The following CNTNAP2 variants were observed in gnomAD, a reference collection of about 807,000 sequenced individuals.
CNTNAP2 encodes the protein contactin-associated protein-like 2.
In CNTNAP2, 98 loss-of-function variants were observed where a neutral mutation model predicts 155.2. The observed-to-expected ratio is 0.63, with a 90% confidence interval of 0.54 to 0.75. CNTNAP2 has a LOEUF of 0.75. Ranked by LOEUF, CNTNAP2 falls within the 30% of genes least tolerant of loss-of-function variation. CNTNAP2 has a pLI of 0.00. For synonymous variants in CNTNAP2, 651 were observed against 631.2 expected (o/e 1.03, Z -0.47); for missense variants, 1,727 against 1,688.1 (o/e 1.02, Z -0.40).
intron 15 of CNTNAP2, among the ~76,000 whole-genome samples, chr7:148,013,673 A>G (rs10264997): frequency 0.38 from 57,673 of 152,006 alleles, 11,697 homozygotes; most frequent in East Asian, 0.76. Context: ...TCCCCTGATC[A>G]CCTTAGCCTA....
At chr7:146,163,115 C>T (rs1169001341) in intron 1 of CNTNAP2, among the ~76,000 whole-genome samples, 1 of 151,986 alleles carries the variant, frequency 6.6e-6, no homozygotes, top group African/African-American at 2.4e-5. Context: ...ACGTAACAAA[C>T]CTGCACGTTG....
intron 1 of CNTNAP2, among the ~76,000 whole-genome samples, chr7:146,709,546 A>G (rs1801026239): frequency 6.6e-6 from 1 of 152,222 alleles, no homozygotes; most frequent in Non-Finnish European, 1.5e-5. Flanking sequence ...AAACAAAAGC[A>G]TGGATATGAT....
intron 1 of CNTNAP2, among the ~76,000 whole-genome samples, chr7:146,743,904 T>C (rs1801763800): frequency 6.6e-6 from 1 of 152,090 alleles, no homozygotes; most frequent in Non-Finnish European, 1.5e-5. Context: ...CTTATTTAGC[T>C]GAGTAGTTTT....
intron 3 of CNTNAP2, among the ~76,000 whole-genome samples, chr7:146,951,422 T>C (rs1477899934): frequency 6.6e-6 from 1 of 152,198 alleles, no homozygotes; most frequent in Admixed American, 6.6e-5. Context: ...GTTTTTATGG[T>C]TTTAGGTCTT....
intron 1 of CNTNAP2, among the ~76,000 whole-genome samples, chr7:146,600,847 T>C (rs1036739280): frequency 6.6e-6 from 1 of 152,166 alleles, no homozygotes; most frequent in Non-Finnish European, 1.5e-5. Context: ...TACTGAAATA[T>C]ATTGCTCTAA....
intron 5 of CNTNAP2, among the ~76,000 whole-genome samples, chr7:147,111,793 G>A (rs1261380141): frequency 6.6e-6 from 1 of 152,160 alleles, no homozygotes; most frequent in Non-Finnish European, 1.5e-5. Context: ...TTGAAGTTGG[G>A]TAGTGTGATG....
intron 13 of CNTNAP2, among the ~76,000 whole-genome samples, chr7:147,875,953 T>C (rs571885386): frequency 6.6e-6 from 1 of 152,304 alleles, no homozygotes; most frequent in African/African-American, 2.4e-5. Context: ...ATAAAAGTTC[T>C]GTGGTCCCAT....
intron 13 of CNTNAP2, among the ~76,000 whole-genome samples, chr7:147,852,561 A>G (rs1336297174): frequency 3.3e-5 from 5 of 152,240 alleles, no homozygotes; most frequent in African/African-American, 1.2e-4. Context: ...TGAGTAGACT[A>G]TACAAAGCCT....
In CNTNAP2 at chr7:146,394,735, TATG is replaced by T. The variant is rs1362745832; in HGVS notation, c.97+277766_97+277768del. ...TAGTATGGTTATTTCACACAAATTT[TATG>T]ATGTCTGATTTCTTTTTCTTTTTAT... On this transcript the variant is annotated intron_variant, in intron 1 of 23. Coordinates refer to ENST00000361727, the MANE Select transcript of CNTNAP2 (RefSeq NM_014141.6). Among the ~76,000 whole-genome samples the T allele has an allele frequency of 4.6e-5, 7 of 152,282 alleles. No homozygotes were observed. The East Asian group carries it at 1.2e-3, about 25-fold the overall frequency.
At chr7:147,841,332 C>T (rs1798727364) in intron 13 of CNTNAP2, among the ~76,000 whole-genome samples, 1 of 152,116 alleles carries the variant, frequency 6.6e-6, no homozygotes, top group Admixed American at 6.5e-5. Context: ...ACAGCATTTG[C>T]CAGATCGTCT....
intron 4 of CNTNAP2, among the ~76,000 whole-genome samples, chr7:147,084,083 C>T (rs1437417327): frequency 7.6e-5 from 6 of 78,660 alleles, no homozygotes; most frequent in African/African-American, 1.0e-4. Flanking sequence ...ATGCATAATG[C>T]TATATATGTA....
intron 3 of CNTNAP2, among the ~76,000 whole-genome samples, chr7:147,016,213 T>C (rs767118148): frequency 2.0e-5 from 3 of 148,452 alleles, no homozygotes; most frequent in Non-Finnish European, 4.6e-5. Flanking sequence ...GAAGAACCAG[T>C]GAGCACTGTC....
intron 20 of CNTNAP2, among the ~76,000 whole-genome samples, chr7:148,261,870 C>G (rs1461115670): frequency 6.6e-6 from 1 of 152,210 alleles, no homozygotes; most frequent in Admixed American, 6.5e-5. Flanking sequence ...TCCCCCTCCT[C>G]GAGCCTGTGC....
chr7:146,649,092 C>G (rs1799863551), intron 1 of CNTNAP2, among the ~76,000 whole-genome samples: 1 of 152,046 alleles, frequency 6.6e-6, no homozygotes, highest in Non-Finnish European at 1.5e-5. Context: ...AACATTGCCT[C>G]TTTACATTGC....
At chr7:146,922,658 C>T (rs1025169011) in intron 3 of CNTNAP2, among the ~76,000 whole-genome samples, 20 of 152,060 alleles carry the variant, frequency 1.3e-4, no homozygotes, top group African/African-American at 4.6e-4. Flanking sequence ...TTTCATATGC[C>T]ACATATTAGC....
intron 13 of CNTNAP2, among the ~76,000 whole-genome samples, chr7:147,740,455 G>A (rs1291330171): frequency 1.3e-5 from 2 of 152,094 alleles, no homozygotes; most frequent in African/African-American, 4.8e-5. Flanking sequence ...ACTGAGGCTT[G>A]GTGCGAGAAA....
chr7:148,413,442 A>G lies in CNTNAP2; in HGVS notation c.3797-1975A>G, dbSNP rs868520826. ...TATATATATATATATATATATATAT[A>G]TATATTGCTCCATAGTTTTCTTGTA... On this transcript the variant is annotated intron_variant, in intron 23 of 23. Transcript: ENST00000361727. 8.5e-5 allele frequency among the ~76,000 whole-genome samples: 9 copies of G among 106,442 alleles called. 1 individual carries two copies. Among genetic ancestry groups the G allele is most frequent in the African/African-American group, 3.7e-4 (9 of 24,186 alleles). 69.8% of individuals were successfully genotyped at this position (106,442 alleles called of 152,430 possible).
Position 148,272,477 on chromosome 7 carries a change from C to T in CNTNAP2, c.3475+5351C>T, listed in dbSNP as rs138116039. 5.0e-3 allele frequency among the ~76,000 whole-genome samples: 762 copies of T among 152,200 alleles called. 4 individuals are homozygous for T. The highest frequency in any genetic ancestry group is 0.016 in the African/African-American group (678 of 41,524). ...TCTATTAATGCCTTGGAGAAAGACA[C>T]AAGTAGCATGTTTATTAAGTTTGCA... is the stretch of plus-strand genomic sequence containing the variant. On this transcript the variant is annotated intron_variant, in intron 21 of 23. Transcript: ENST00000361727.
At chr7:147,171,637 G>A (rs1802228479) in intron 8 of CNTNAP2, among the ~76,000 whole-genome samples, 1 of 152,174 alleles carries the variant, frequency 6.6e-6, no homozygotes, top group African/African-American at 2.4e-5. Flanking sequence ...GTTCAGCTTT[G>A]TTATGAGGAT....
Sources: allele counts gnomAD v4.1 joint callset (sites outside exome capture counted in the v4.1 genomes callset), GRCh38; gene constraint gnomAD v4.1.1; transcripts MANE v1.5; gene names NCBI Gene and HGNC (gene_info 2026-07-23, HGNC 2026-07-21).